ABCG1: variants seen among roughly 807,000 people sequenced by gnomAD.
The protein encoded by ABCG1 is ATP-binding cassette sub-family G member 1.
A neutral mutation model predicts 69.2 loss-of-function variants in ABCG1; 29 were observed. The observed-to-expected ratio is 0.42, with a 90% confidence interval of 0.31 to 0.57. ABCG1 has a LOEUF of 0.57. Among genes scored for constraint, ABCG1 ranks in the 20% least tolerant of loss-of-function variants. The pLI is 0.15. For synonymous variants in ABCG1, 370 were observed against 374.8 expected, an observed-to-expected ratio of 0.99 and a Z score of 0.15; for missense variants, 718 against 898.1, an observed-to-expected ratio of 0.80 and a Z score of 2.56.
At chr21:42,234,061 G>C (rs1264956798) in intron 2 of ABCG1, among the ~76,000 whole-genome samples, 1 of 152,124 alleles carries the variant, frequency 6.6e-6, no homozygotes, top group Non-Finnish European at 1.5e-5. Context: ...AAAAATAACT[G>C]GTGTTTACTG....
At chr21:42,293,431 C>T (rs1309468936) in intron 13 of ABCG1, among the ~76,000 whole-genome samples, 1 of 148,514 alleles carries the variant, frequency 6.7e-6, no homozygotes, top group Non-Finnish European at 1.5e-5. Context: ...CCACACTACA[C>T]ACTACACACC....
chr21:42,259,885 C>T (rs983351048), intron 2 of ABCG1: 23 of 1,444,414 alleles, frequency 1.6e-5, no homozygotes, highest in African/African-American at 1.2e-4. Context: ...AGGAGCACAG[C>T]GGGAGAAAGA....
intron 4 of ABCG1, among the ~76,000 whole-genome samples, chr21:42,274,013 G>A (rs2068665143): frequency 6.6e-6 from 1 of 152,220 alleles, no homozygotes; most frequent in Non-Finnish European, 1.5e-5. Flanking sequence ...TTCCCCCAGT[G>A]AAGCCAGGAG....
chr21:42,224,953 T>A (rs1422577614), intron 1 of ABCG1, among the ~76,000 whole-genome samples: 1 of 152,164 alleles, frequency 6.6e-6, no homozygotes, highest in Non-Finnish European at 1.5e-5. Flanking sequence ...TCTTTTTTTT[T>A]TTTTTATGAC....
At chr21:42,277,970 T>C (rs574509023) in intron 5 of ABCG1, among the ~76,000 whole-genome samples, 117 of 152,286 alleles carry the variant, frequency 7.7e-4, no homozygotes, top group South Asian at 1.4e-3. Context: ...CCATCAACTG[T>C]GCCCTTCAAA....
At chr21:42,221,036 C>T (rs1045285047) in intron 1 of ABCG1, 3 of 152,120 alleles carry the variant, frequency 2.0e-5, no homozygotes, top group Non-Finnish European at 2.9e-5. Flanking sequence ...AATATGCCCC[C>T]GGAGCTCAAC....
chr21:42,286,723 C>G (rs116344420), intron 8 of ABCG1, among the ~76,000 whole-genome samples: 4,603 of 152,176 alleles, frequency 0.03, 232 homozygotes, highest in African/African-American at 0.1. Flanking sequence ...GAGGTGAGAA[C>G]CTGGAGGGAA....
chr21:42,284,860 C>T (rs1423353975), intron 7 of ABCG1, among the ~76,000 whole-genome samples, 177 bp downstream of exon 7: 1 of 152,078 alleles, frequency 6.6e-6, no homozygotes, highest in African/African-American at 2.4e-5. Context: ...GACACCAAAC[C>T]CTGGGTACCC....
At chr21:42,264,982 C>T (rs962847276) in intron 2 of ABCG1, among the ~76,000 whole-genome samples, 1 of 152,182 alleles carries the variant, frequency 6.6e-6, no homozygotes, top group African/African-American at 2.4e-5. Context: ...GGGAGGGTGC[C>T]ACCTCTTGGG....
chr21:42,214,293 G>A (rs566763074), upstream of ABCG1, among the ~76,000 whole-genome samples: 6 of 152,290 alleles, frequency 3.9e-5, no homozygotes, highest in African/African-American at 9.6e-5. Context: ...ACACAGAGGC[G>A]CCATCTATGA....
Position 42,291,427 on chromosome 21 carries a change from C to T in ABCG1, c.1495-71C>T, listed in dbSNP as rs1047724950. ...GAGCTGCGGGGAAGGGCTGGCTGCC[C>T]AGGAGCTTTGCTGTTGGCCTGCTGT... On this transcript the variant is annotated intron_variant, in intron 12 of 14. Transcript: ENST00000398449. This position sits in a 1 kb window ranked among gnomAD's most constrained non-coding sequence, Gnocchi z 6.4. The T allele has an allele frequency of 6.1e-5, 95 of 1,557,524 alleles. No individual in the cohort carries two copies. In the East Asian group the frequency reaches 1.9e-3, roughly 31 times the overall value.
rs2068541728 is a variant in ABCG1 at position 42,267,861 on chromosome 21, T to C, written c.287-3209T>C. On this transcript the variant is annotated intron_variant, in intron 2 of 14. Coordinates refer to ENST00000398449, the MANE Select transcript of ABCG1 (RefSeq NM_016818.3). ...GTCTGGGTTCTGTCTGGGTCTGATCTGGGTCTGGTCTGGGTTCTGTCTGGG... is the reference window on the plus strand; with the variant it reads ...GTCTGGGTTCTGTCTGGGTCTGATCCGGGTCTGGTCTGGGTTCTGTCTGGG... 1.3e-5 allele frequency among the ~76,000 whole-genome samples: 2 copies of C among 149,476 alleles called. 1 individual carries two copies. Among genetic ancestry groups the C allele is most frequent in the African/African-American group, 4.9e-5 (2 of 40,812 alleles).
At chr21:42,233,859 CTTTCTG>C (rs1456410161) in intron 2 of ABCG1, among the ~76,000 whole-genome samples, 1 of 152,230 alleles carries the variant, frequency 6.6e-6, no homozygotes, top group Admixed American at 6.5e-5. Context: ...GAGTCACGTT[CTTTCTG>C]TTTCTTTTAC....
intron 2 of ABCG1, among the ~76,000 whole-genome samples, chr21:42,258,655 C>A (rs1347154500): frequency 6.6e-6 from 1 of 152,218 alleles, no homozygotes; most frequent in Admixed American, 6.5e-5. Flanking sequence ...CTCCATCCAT[C>A]CCTCCATTAA....
intron 2 of ABCG1, among the ~76,000 whole-genome samples, chr21:42,208,388 T>C (rs1388278717): frequency 1.3e-5 from 2 of 152,212 alleles, no homozygotes; most frequent in African/African-American, 4.8e-5. Flanking sequence ...TTTTCCTATC[T>C]TCTAGAGTCT....
rs1004671039 is a variant in ABCG1 at position 42,260,257 on chromosome 21, C to A, written c.287-10813C>A. 66 of 1,503,002 alleles carry A rather than the reference C, an allele frequency of 4.4e-5. 2 individuals carry two copies. The highest frequency in any genetic ancestry group is 3.8e-4 in the Admixed American group (18 of 47,628). 93.1% of individuals were successfully genotyped at this position (1,503,002 alleles called of 1,614,324 possible). A position where few individuals can be genotyped will look rare whatever the true frequency, so the allele number is the denominator to read the frequency against. ...ATTGGGCGGCAAGCATTTCTAGGACCCAGCTTCCACCACGGAGCCGAATGG... is the reference window on the plus strand; with the variant it reads ...ATTGGGCGGCAAGCATTTCTAGGACACAGCTTCCACCACGGAGCCGAATGG... On this transcript the variant is annotated intron_variant, in intron 2 of 14. Coordinates refer to ENST00000398449, the MANE Select transcript of ABCG1 (RefSeq NM_016818.3).
chr21:42,222,839 G>A (rs964853777), intron 1 of ABCG1, among the ~76,000 whole-genome samples: 3 of 152,170 alleles, frequency 2.0e-5, no homozygotes, highest in African/African-American at 7.2e-5. Context: ...TACATTGCAA[G>A]TACTTGATTC....
intron 2 of ABCG1, among the ~76,000 whole-genome samples, chr21:42,232,098 G>A (rs1569210783): frequency 6.6e-6 from 1 of 152,236 alleles, no homozygotes; most frequent in Non-Finnish European, 1.5e-5. Flanking sequence ...CTCCTTTGGT[G>A]ATGAGGTCTT....
intron 11 of ABCG1, among the ~76,000 whole-genome samples, chr21:42,290,586 T>G (rs975058185): frequency 2.6e-5 from 4 of 152,202 alleles, no homozygotes; most frequent in Admixed American, 6.5e-5. Context: ...ATAAGCTCTC[T>G]TAGATGGATA....
Sources: gnomAD v4.1 joint callset for allele counts (sites outside exome capture counted in the v4.1 genomes callset) on GRCh38, gnomAD v4.1.1 for gene constraint, Gnocchi (gnomAD v3.1) non-coding constraint, MANE v1.5 for transcripts, NCBI Gene and HGNC (gene_info 2026-07-23, HGNC 2026-07-21) for gene names.